Variants in RHBDL3 observed in about 807,000 individuals in gnomAD.
RHBDL3 encodes rhomboid-related protein 3.
Under a neutral mutation model 48.2 loss-of-function variants are expected in RHBDL3, and 28 were observed. The observed-to-expected ratio is 0.58, with a 90% CI of 0.43 to 0.80. The LOEUF (loss-of-function observed/expected upper bound fraction) is 0.80. Ranked by LOEUF, RHBDL3 falls within the 30% of genes least tolerant of loss-of-function variation. RHBDL3 has a pLI of 0.00. For missense variants in RHBDL3, 464 were observed against 542.7 expected (o/e 0.85, Z 1.44); for synonymous variants, 208 against 232.3 (o/e 0.90, Z 0.95).
intron 5 of RHBDL3, among the ~76,000 whole-genome samples, chr17:32,295,091 C>G (rs1378888431): frequency 6.6e-6 from 1 of 152,170 alleles, no homozygotes; most frequent in African/African-American, 2.4e-5. Flanking sequence ...AGACACCAGG[C>G]CTCTGTGGTG....
chr17:32,302,067 C>A (rs1697136386), intron 6 of RHBDL3, among the ~76,000 whole-genome samples: 1 of 152,184 alleles, frequency 6.6e-6, no homozygotes, highest in South Asian at 2.1e-4. Flanking sequence ...AGAACTAAGG[C>A]CCATGGTTTG....
chr17:32,316,865 A>T (rs568336931), intron 8 of RHBDL3, among the ~76,000 whole-genome samples: 2 of 144,508 alleles, frequency 1.4e-5, no homozygotes, highest in Admixed American at 1.4e-4. Context: ...ATTTTATTTT[A>T]TTTATTTTAT....
At chr17:32,269,343 G>T (rs2039713343) in intron 2 of RHBDL3, among the ~76,000 whole-genome samples, 1 of 152,192 alleles carries the variant, frequency 6.6e-6, no homozygotes, top group African/African-American at 2.4e-5. Context: ...GTGGGACCCT[G>T]TCTCAAAACA....
At chr17:32,283,476 A>C (rs1419249286) in intron 2 of RHBDL3, among the ~76,000 whole-genome samples, 1 of 151,412 alleles carries the variant, frequency 6.6e-6, no homozygotes, top group Non-Finnish European at 1.5e-5. Context: ...GGCGCACACC[A>C]CCACGCCCGG....
Position 32,298,215 on chromosome 17 carries a change from A to G in RHBDL3, c.781+11A>G, listed in dbSNP as rs1597660629. On this transcript the variant is annotated intron_variant, in intron 6 of 8. Coordinates refer to ENST00000269051, the MANE Select transcript of RHBDL3 (RefSeq NM_138328.3). ...CCGGTGTTGTGGCAGGTAGGCAGGT[A>G]GGCCCCGTGTCCACAAAGGCACACT... The G allele has an allele frequency of 7.6e-6, 12 of 1,586,776 alleles. No homozygotes were observed. The highest frequency in any genetic ancestry group is 2.7e-5 in the African/African-American group (2 of 74,498).
chr17:32,298,158 T>G lies in RHBDL3; in HGVS notation c.735T>G (p.His245Gln). 1 of 1,614,052 alleles carries G rather than the reference T, an allele frequency of 6.2e-7. No individual in the cohort carries two copies. The highest frequency in any genetic ancestry group is 8.5e-7 in the Non-Finnish European group (1 of 1,179,938). ...TGGGGGTGCCCCTGGAGATGGTGCA[T>G]GGAGCCACCCGAATTGGGCTTGTCT... ...LLVGVPLEMV[H>Q]GATRIGLVYV... The change falls in exon 6 of 9, where the codon CAT (histidine) becomes CAG (glutamine). Residue 245 changes from histidine to glutamine, a missense_variant. By Grantham distance (24) the His-to-Gln change is conservative. Coordinates refer to ENST00000269051, the MANE Select transcript of RHBDL3 (RefSeq NM_138328.3).
chr17:32,266,808 C>G (rs2039643867), intron 1 of RHBDL3, among the ~76,000 whole-genome samples: 2 of 152,208 alleles, frequency 1.3e-5, no homozygotes, highest in Non-Finnish European at 2.9e-5. Flanking sequence ...AAATTCAAGC[C>G]GGCCCCCGCC....
At chr17:32,291,906 G>A (rs1169202465) in intron 4 of RHBDL3, among the ~76,000 whole-genome samples, 1 of 151,574 alleles carries the variant, frequency 6.6e-6, no homozygotes, top group African/African-American at 2.4e-5. Context: ...TGAGTAGCTG[G>A]GGTTACAGGT....
intron 2 of RHBDL3, among the ~76,000 whole-genome samples, chr17:32,279,896 A>G (rs2150701042): frequency 6.6e-6 from 1 of 152,116 alleles, no homozygotes; most frequent in East Asian, 1.9e-4. Flanking sequence ...CAGCAATACA[A>G]AGAGAGAATC....
chr17:32,316,143 C>T (rs900793726), intron 7 of RHBDL3, 89 bp from the exon 8 acceptor site: 25 of 915,496 alleles, frequency 2.7e-5, no homozygotes, highest in Non-Finnish European at 4.0e-5. Context: ...CACGGAGATC[C>T]TTATTTTAAT....
chr17:32,305,285 G>A, intron 6 of RHBDL3, 56 bp from the exon 7 acceptor site: 1 of 1,189,244 alleles, frequency 8.4e-7, no homozygotes, highest in Non-Finnish European at 1.3e-6. Flanking sequence ...CCTGGGGCTG[G>A]GTTGGGTGAG....
rs749663091 is a variant in RHBDL3, at chr17:32,321,077, G to A, written c.1063G>A (p.Val355Met). 35 of 1,614,116 alleles carry A rather than the reference G, an allele frequency of 2.2e-5. No individual in the cohort carries two copies. Among genetic ancestry groups the A allele is most frequent in the East Asian group, 1.1e-4 (5 of 44,894 alleles). ...GGVAVGITLG[V>M]VVLRNYEQRL... ...CGTGGCCGTGGGCATCACCCTGGGC[G>A]TGGTGGTCCTGAGGAACTACGAGCA... Residue 355 changes from valine to methionine, a missense_variant, in exon 9 of 9, where the codon GTG becomes ATG. By Grantham distance (21) the Val-to-Met change is conservative. Transcript: ENST00000269051.
chr17:32,295,345 C>T (rs915239422), intron 5 of RHBDL3, among the ~76,000 whole-genome samples: 1 of 152,216 alleles, frequency 6.6e-6, no homozygotes, highest in Non-Finnish European at 1.5e-5. Context: ...GCTGCACCTG[C>T]GGGGGAGGGT....
chr17:32,298,316 T>G (rs2040503063), intron 6 of RHBDL3, 112 bp downstream of exon 6: 1 of 643,438 alleles, frequency 1.6e-6, no homozygotes, highest in Non-Finnish European at 2.7e-6. Flanking sequence ...GATCCTCATC[T>G]CCAAGGCTCC....
intron 2 of RHBDL3, among the ~76,000 whole-genome samples, chr17:32,282,985 G>C (rs1256450047): frequency 6.6e-6 from 1 of 152,176 alleles, no homozygotes. Flanking sequence ...GATTTTCTCA[G>C]AAATGCTACA....
At chr17:32,273,698 G>A (rs956467905) in intron 2 of RHBDL3, among the ~76,000 whole-genome samples, 2 of 152,120 alleles carry the variant, frequency 1.3e-5, no homozygotes, top group Non-Finnish European at 2.9e-5. Context: ...ATTTAAACAA[G>A]TAAAAAATAA....
chr17:32,283,871 G>T (rs1434587643), intron 2 of RHBDL3, among the ~76,000 whole-genome samples: 1 of 152,202 alleles, frequency 6.6e-6, no homozygotes, highest in Non-Finnish European at 1.5e-5. Flanking sequence ...AGAACAGAGG[G>T]TTCCGTGAGA....
chr17:32,293,593 C>A (rs1302472217), intron 4 of RHBDL3, among the ~76,000 whole-genome samples: 5 of 147,890 alleles, frequency 3.4e-5, no homozygotes, highest in South Asian at 2.1e-4. Context: ...AAAAAAAAAA[C>A]CCAAAAAACT....
At chr17:32,309,090 A>G (rs1371487085) in intron 7 of RHBDL3, among the ~76,000 whole-genome samples, 2 of 152,012 alleles carry the variant, frequency 1.3e-5, no homozygotes, top group African/African-American at 4.8e-5. Flanking sequence ...TGCCCTTTCT[A>G]TGGGCCATCA....
Sources: gnomAD v4.1 joint callset for allele counts (sites outside exome capture counted in the v4.1 genomes callset) on GRCh38, gnomAD v4.1.1 for gene constraint, MANE v1.5 for transcripts, NCBI Gene and HGNC (gene_info 2026-07-23, HGNC 2026-07-21) for gene names.